The following USP10 variants were observed in gnomAD, a reference collection of about 807,000 sequenced individuals.
The protein encoded by USP10 is ubiquitin carboxyl-terminal hydrolase 10.
USP10 carries 22 observed loss-of-function variants against 84.5 expected under a neutral mutation model. That is an observed-to-expected ratio of 0.26 (90% CI 0.19 to 0.37). The LOEUF is 0.37. USP10 is among the 10% of genes least tolerant of loss of function. The probability of loss-of-function intolerance (pLI) is 1.00; values close to 1 mark genes in which losing one functional copy is unlikely to be tolerated. For synonymous variants in USP10, 454 were observed against 387.6 expected, an observed-to-expected ratio of 1.17 and a Z score of -2.01; for missense variants, 1,019 against 998.9, an observed-to-expected ratio of 1.02 and a Z score of -0.27.
chr16:84,767,556 A>G (rs1252887256), intron 10 of USP10, among the ~76,000 whole-genome samples: 5 of 152,184 alleles, frequency 3.3e-5, no homozygotes, highest in African/African-American at 9.7e-5. Context: ...AGAACAGGCT[A>G]TGATACTTGG....
At position 84,750,739 on chromosome 16, in the gene USP10, C is replaced by T. The variant is rs569800787; in HGVS notation, c.1192+5066C>T. Among the ~76,000 whole-genome samples, 14 of 152,220 alleles carry T rather than the reference C, an allele frequency of 9.2e-5. No homozygotes were observed. In the South Asian group the frequency reaches 2.9e-3, roughly 32 times the overall value. ...TATGCAACAGTATATTTTGTTTTAA[C>T]AGAATATAAATAATGCTGGGTAAGA... On this transcript the variant is annotated intron_variant, in intron 4 of 13. Coordinates refer to ENST00000219473, the MANE Select transcript of USP10 (RefSeq NM_005153.3).
Position 84,772,490 on chromosome 16 carries a change from C to G in USP10, c.1999-51C>G, listed in dbSNP as rs142889671. 2.6e-3 allele frequency: 4,213 copies of G among 1,607,170 alleles called. 9 individuals are homozygous for G. The highest frequency in any genetic ancestry group is 3.2e-3 in the Non-Finnish European group (3,800 of 1,175,618). On this transcript the variant is annotated intron_variant, in intron 11 of 13. Coordinates refer to ENST00000219473, the MANE Select transcript of USP10 (RefSeq NM_005153.3). ...GAGCGGAAGGTGGATGTGGTGTTAG[C>G]TGTTGCAAGTAAGACAGGGACGGTG... is the stretch of plus-strand genomic sequence containing the variant.
At chr16:84,726,649 A>G (rs935322642) in intron 1 of USP10, among the ~76,000 whole-genome samples, 3 of 152,230 alleles carry the variant, frequency 2.0e-5, no homozygotes, top group Non-Finnish European at 4.4e-5. Flanking sequence ...CTCTTGAGAA[A>G]GGATCAGAAA....
intron 1 of USP10, among the ~76,000 whole-genome samples, chr16:84,722,498 G>A (rs544801648): frequency 1.1e-4 from 16 of 152,172 alleles, no homozygotes; most frequent in Non-Finnish European, 2.1e-4. Flanking sequence ...CGGCCATGCC[G>A]TTTTCTATCT....
rs199788392 is a variant in USP10, at chr16:84,759,382, C to G, written c.1304C>G (p.Ala435Gly). The G allele has an allele frequency of 9.9e-6, 16 of 1,613,878 alleles. No homozygotes were observed. In the Admixed American group the frequency reaches 1.2e-4, roughly 12 times the overall value. Residue 435 changes from alanine (A) to glycine (G), a missense_variant, in exon 6 of 14, where the codon GCT (alanine) becomes GGT (glycine). Coordinates refer to ENST00000219473, the MANE Select transcript of USP10 (RefSeq NM_005153.3). Reference sequence around the variant, plus strand: ...ACATAGACACTGCAGGCATTGGTTGCTTGCCCGCCGATGTACCACCTGATG... The same window carrying G: ...ACATAGACACTGCAGGCATTGGTTGGTTGCCCGCCGATGTACCACCTGATG... Reference protein sequence around the residue: ...YINATLQALVACPPMYHLMKF... With the variant: ...YINATLQALVGCPPMYHLMKF...
chr16:84,731,363 A>G (rs1051555115), intron 1 of USP10, among the ~76,000 whole-genome samples: 1 of 151,472 alleles, frequency 6.6e-6, no homozygotes, highest in Non-Finnish European at 1.5e-5. Context: ...CGTTTCTACT[A>G]TTGATATTAA....
Position 84,772,586 on chromosome 16 carries a change from C to T in USP10, c.2044C>T (p.Leu682Phe). ...GACTCTGGAAAAACTCCCTCCTGTC[C>T]TCGTGCTGCACCTGAAACGATTCGT... ...RVTLEKLPPV[L>F]VLHLKRFVYE... The change falls in exon 12 of 14, where the codon CTC becomes TTC. Residue 682 changes from leucine to phenylalanine, a missense_variant. Coordinates refer to ENST00000219473, the MANE Select transcript of USP10 (RefSeq NM_005153.3). 6.2e-7 allele frequency: 1 copy of T among 1,613,962 alleles called. No homozygotes were observed. Among genetic ancestry groups the T allele is most frequent in the East Asian group, 2.2e-5 (1 of 44,880 alleles).
At chr16:84,739,621 A>C (rs1441912730) in intron 2 of USP10, among the ~76,000 whole-genome samples, 1 of 151,922 alleles carries the variant, frequency 6.6e-6, no homozygotes, top group South Asian at 2.1e-4. Context: ...AGCATTTCCA[A>C]CTCTTAAATA....
chr16:84,734,757 A>C (rs1195284232), intron 2 of USP10, among the ~76,000 whole-genome samples: 1 of 152,182 alleles, frequency 6.6e-6, no homozygotes, highest in Admixed American at 6.5e-5. Context: ...TTCTTCTAAA[A>C]GTTTTCAGAT....
intron 13 of USP10, 84 bp from the exon 14 acceptor site, chr16:84,778,811 T>A: frequency 7.3e-7 from 1 of 1,371,068 alleles, no homozygotes; most frequent in Non-Finnish European, 1.0e-6. Context: ...ATAGGATGCA[T>A]CCCTGGAGGG....
intron 3 of USP10, among the ~76,000 whole-genome samples, chr16:84,741,101 A>G (rs1242445421): frequency 6.6e-6 from 1 of 152,216 alleles, no homozygotes; most frequent in Non-Finnish European, 1.5e-5. Flanking sequence ...TGAGAGTTAG[A>G]GGTTTGGATT....
chr16:84,723,954 T>A (rs1452310097), intron 1 of USP10, among the ~76,000 whole-genome samples: 2 of 152,258 alleles, frequency 1.3e-5, no homozygotes, highest in African/African-American at 4.8e-5. Flanking sequence ...TGGTTTCATC[T>A]TCCATTTCTT....
intron 1 of USP10, among the ~76,000 whole-genome samples, chr16:84,725,905 G>T (rs887423722): frequency 6.6e-6 from 1 of 152,112 alleles, no homozygotes; most frequent in African/African-American, 2.4e-5. Flanking sequence ...AGGAGAAGAG[G>T]GAGAATACTT....
chr16:84,778,272 G>A (rs954020164), intron 13 of USP10, among the ~76,000 whole-genome samples: 17 of 152,256 alleles, frequency 1.1e-4, no homozygotes, highest in East Asian at 3.9e-4. Context: ...GGCCGGCACC[G>A]GGAGATTGTG....
chr16:84,770,944 T>C (rs553203295), intron 11 of USP10, among the ~76,000 whole-genome samples: 1 of 151,900 alleles, frequency 6.6e-6, no homozygotes, highest in Admixed American at 6.6e-5. Context: ...TGTGCACATG[T>C]AGTCCCAGCC....
At chr16:84,746,823 C>G (rs1911280411) in intron 4 of USP10, among the ~76,000 whole-genome samples, 1 of 152,176 alleles carries the variant, frequency 6.6e-6, no homozygotes, top group Admixed American at 6.5e-5. Context: ...TTTTATTTTA[C>G]TTTTAAATTA....
At chr16:84,704,904 T>C (rs1467839437) in intron 1 of USP10, 1 of 1,535,580 alleles carries the variant, frequency 6.5e-7, no homozygotes. Context: ...TGTTACAGCC[T>C]GAATTCCTCG....
At position 84,735,196 on chromosome 16, in the gene USP10, GGTGTGTGTGTGTGT is replaced by G. The variant is rs34240400; in HGVS notation, c.90+1721_90+1734del. Among the ~76,000 whole-genome samples, 34 of 146,380 alleles carry G rather than the reference GGTGTGTGTGTGTGT, an allele frequency of 2.3e-4. 1 individual carries two copies. Among genetic ancestry groups the G allele is most frequent in the South Asian group, 1.1e-3 (5 of 4,602 alleles). ...CAGGTGTGTGCTGCCAGGCCCGGGT[GGTGTGTGTGTGTGT>G]GTGTGTGTGTGTGTGTGTGTGTGTG... On this transcript the variant is annotated intron_variant, in intron 2 of 13. Transcript: ENST00000219473.
intron 2 of USP10, among the ~76,000 whole-genome samples, chr16:84,737,151 GA>G (rs1304095345): frequency 6.6e-6 from 1 of 152,216 alleles, no homozygotes; most frequent in East Asian, 1.9e-4. Flanking sequence ...CTTTGAGACG[GA>G]AAGCAGAACA....
Sources: allele counts gnomAD v4.1 joint callset (sites outside exome capture counted in the v4.1 genomes callset), GRCh38; gene constraint gnomAD v4.1.1; transcripts MANE v1.5; gene names NCBI Gene and HGNC (gene_info 2026-07-23, HGNC 2026-07-21).